The following JPH3 variants were observed in gnomAD, a reference collection of about 807,000 sequenced individuals.
JPH3 encodes the protein junctophilin-3.
Under a neutral mutation model 59.6 loss-of-function variants are expected in JPH3, and 11 were observed. The ratio of observed to expected loss-of-function variants is 0.18; its 90% CI spans 0.12 to 0.31. The LOEUF (loss-of-function observed/expected upper bound fraction) is 0.31. JPH3 is among the 10% of genes least tolerant of loss of function. The probability of loss-of-function intolerance (pLI) is 1.00; values close to 1 mark genes in which losing one functional copy is unlikely to be tolerated. For synonymous variants in JPH3, 673 were observed against 483.6 expected, an observed-to-expected ratio of 1.39 and a Z score of -5.14; for missense variants, 1,202 against 1,105.7, an observed-to-expected ratio of 1.09 and a Z score of -1.24.
At chr16:87,673,356 A>T (rs1471110883) in intron 2 of JPH3, among the ~76,000 whole-genome samples, 2 of 151,828 alleles carry the variant, frequency 1.3e-5, no homozygotes, top group African/African-American at 4.8e-5. Context: ...AGAAGATGCG[A>T]GGAAACAGAC....
At chr16:87,647,325 T>C (rs998573577) in intron 2 of JPH3, among the ~76,000 whole-genome samples, 1 of 152,004 alleles carries the variant, frequency 6.6e-6, no homozygotes, top group East Asian at 2.0e-4. Context: ...CAGCCAGCCT[T>C]GGCATGGCCA....
intron 2 of JPH3, among the ~76,000 whole-genome samples, chr16:87,682,465 T>C (rs535541166): frequency 2.0e-5 from 3 of 152,144 alleles, no homozygotes; most frequent in African/African-American, 7.2e-5. Context: ...GGCTGAGGAC[T>C]GAGCCTCATA....
intron 1 of JPH3, among the ~76,000 whole-genome samples, chr16:87,634,202 G>A (rs566994411): frequency 3.9e-4 from 60 of 152,142 alleles, no homozygotes; most frequent in Non-Finnish European, 6.5e-4. Context: ...CTGTCACGTT[G>A]GACCTGTGCC....
intron 1 of JPH3, among the ~76,000 whole-genome samples, chr16:87,636,242 G>A (rs2031741880): frequency 6.6e-6 from 1 of 152,238 alleles, no homozygotes; most frequent in Non-Finnish European, 1.5e-5. Flanking sequence ...CTGGGGTGGG[G>A]TGGGGGCGGG....
intron 1 of JPH3, among the ~76,000 whole-genome samples, chr16:87,616,587 G>A (rs1231694873): frequency 6.6e-6 from 1 of 151,872 alleles, no homozygotes; most frequent in Non-Finnish European, 1.5e-5. Flanking sequence ...TTTATTTTGA[G>A]ATCACCGTAG....
chr16:87,677,235 A>G (rs1352245240), intron 2 of JPH3, among the ~76,000 whole-genome samples: 1 of 68,508 alleles, frequency 1.5e-5, no homozygotes, highest in Admixed American at 1.5e-4. Flanking sequence ...CAAAAAAAAA[A>G]ATTAGCCGGG....
rs555249295 is a variant in JPH3 at position 87,628,523 on chromosome 16, A to G, written c.383-15735A>G. 1.3e-3 allele frequency among the ~76,000 whole-genome samples: 198 copies of G among 152,302 alleles called. 1 individual carries two copies. Among genetic ancestry groups the G allele is most frequent in the African/African-American group, 4.3e-3 (177 of 41,564 alleles). On this transcript the variant is annotated intron_variant, in intron 1 of 4. Coordinates refer to ENST00000284262, the MANE Select transcript of JPH3 (RefSeq NM_020655.4). ...CGGTGACAGTAAAGAATATTCCTAC[A>G]GAGTGTGGGTTTTGGAAGCAGACAT... is the stretch of plus-strand genomic sequence containing the variant.
At chr16:87,671,027 GC>G (rs1263134981) in intron 2 of JPH3, among the ~76,000 whole-genome samples, 1 of 152,204 alleles carries the variant, frequency 6.6e-6, no homozygotes, top group African/African-American at 2.4e-5. Flanking sequence ...TGGGGCTGTG[GC>G]CCGTACAGTC....
chr16:87,662,496 G>A (rs924868236), intron 2 of JPH3, among the ~76,000 whole-genome samples: 2 of 152,102 alleles, frequency 1.3e-5, no homozygotes, highest in Admixed American at 6.5e-5. Context: ...GGAATTGGGT[G>A]TAGTGTCCTG....
intron 2 of JPH3, among the ~76,000 whole-genome samples, chr16:87,669,389 A>G (rs987961302): frequency 6.6e-6 from 1 of 152,180 alleles, no homozygotes; most frequent in South Asian, 2.1e-4. Context: ...CTTTAGGCTA[A>G]AAGCCTAGTG....
intron 1 of JPH3, among the ~76,000 whole-genome samples, chr16:87,630,193 C>G (rs1412319027): frequency 1.3e-5 from 2 of 152,204 alleles, no homozygotes; most frequent in African/African-American, 4.8e-5. Flanking sequence ...TCCCTTCTCA[C>G]CTGAGTGGGG....
chr16:87,666,916 G>A (rs1567606847), intron 2 of JPH3, among the ~76,000 whole-genome samples: 5 of 152,228 alleles, frequency 3.3e-5, no homozygotes. Context: ...CAGGCCGTCG[G>A]CTCCTGGGCC....
intron 1 of JPH3, among the ~76,000 whole-genome samples, chr16:87,620,210 T>G (rs537183112): frequency 6.6e-6 from 1 of 151,902 alleles, no homozygotes; most frequent in African/African-American, 2.4e-5. Context: ...TGGGTGGCTA[T>G]GTCCACACTG....
intron 4 of JPH3, among the ~76,000 whole-genome samples, chr16:87,692,839 GTCCGT>G (rs2033636163): frequency 6.6e-6 from 1 of 152,202 alleles, no homozygotes; most frequent in South Asian, 2.1e-4. Flanking sequence ...CGCCCACAGC[GTCCGT>G]ACCTGCTTCC....
chr16:87,646,731 G>A (rs1304870903), intron 2 of JPH3, among the ~76,000 whole-genome samples: 4 of 152,274 alleles, frequency 2.6e-5, no homozygotes, highest in South Asian at 2.1e-4. Context: ...GGACAGCGGC[G>A]TCACGGAATT....
chr16:87,645,408 C>A (rs2032113718), intron 2 of JPH3, among the ~76,000 whole-genome samples: 2 of 152,208 alleles, frequency 1.3e-5, no homozygotes, highest in Non-Finnish European at 2.9e-5. Context: ...AGGGGTGACA[C>A]CACCAGGTGG....
chr16:87,644,936 T>C lies in JPH3; in HGVS notation c.1061T>C (p.Leu354Pro). 2 of 1,612,292 alleles carry C rather than the reference T, an allele frequency of 1.2e-6. No homozygotes were observed. The highest frequency in any genetic ancestry group is 1.7e-6 in the Non-Finnish European group (2 of 1,179,866). Residue 354 changes from leucine (L) to proline (P), a missense_variant, in exon 2 of 5, where the codon CTG (leucine) becomes CCG (proline). Leu to Pro is a moderately conservative substitution (Grantham distance 98). Coordinates refer to ENST00000284262, the MANE Select transcript of JPH3 (RefSeq NM_020655.4). ...VGGKRKNLIP[L>P]RASKIREKVD... ...GGCAAGCGCAAGAACCTCATCCCCC[T>C]GCGGGCCAGCAAGATCCGCGAGAAG...
At chr16:87,668,479 G>C (rs117340648) in intron 2 of JPH3, among the ~76,000 whole-genome samples, 99 of 152,326 alleles carry the variant, frequency 6.5e-4, no homozygotes, top group Middle Eastern at 3.4e-3. Flanking sequence ...CTGTTAAGGA[G>C]AAGCTTCACT....
In JPH3 at chr16:87,644,379, C is replaced by T; in HGVS notation, c.504C>T (p.Arg168=). Reference sequence around the variant, plus strand: ...TGAGGACGTCCATCAACTCCCTGCGCAGCGAGCACACCAACGGCACGGCGC... The same window carrying T: ...TGAGGACGTCCATCAACTCCCTGCGTAGCGAGCACACCAACGGCACGGCGC... ...SPLRTSINSL[R]SEHTNGTALH... Residue 168 remains arginine (R), a synonymous_variant, in exon 2 of 5, where the codon CGC becomes CGT. Transcript: ENST00000284262. 3 of 1,612,880 alleles carry T rather than the reference C, an allele frequency of 1.9e-6. No individual in the cohort carries two copies. Among genetic ancestry groups the T allele is most frequent in the Non-Finnish European group, 2.5e-6 (3 of 1,179,884 alleles).
Sources: allele counts gnomAD v4.1 joint callset (sites outside exome capture counted in the v4.1 genomes callset), GRCh38; gene constraint gnomAD v4.1.1; transcripts MANE v1.5; gene names NCBI Gene and HGNC (gene_info 2026-07-23, HGNC 2026-07-21).